NUP210L: variants seen among roughly 807,000 people sequenced by gnomAD.
NUP210L encodes nucleoporin 210 like.
A neutral mutation model predicts 208.5 loss-of-function variants in NUP210L; 74 were observed. That is an observed-to-expected ratio of 0.35 (90% CI 0.29 to 0.43). The LOEUF is 0.43. Ranked by LOEUF, NUP210L falls within the 20% of genes least tolerant of loss-of-function variation. The pLI is 1.00. For missense variants in NUP210L, 1,843 were observed against 2,289.4 expected, an observed-to-expected ratio of 0.81 and a Z score of 3.98; for synonymous variants, 780 against 816.9, an observed-to-expected ratio of 0.95 and a Z score of 0.77.
intron 2 of NUP210L, among the ~76,000 whole-genome samples, chr1:154,148,465 A>G (rs528958635): frequency 6.6e-6 from 1 of 152,312 alleles, no homozygotes; most frequent in East Asian, 1.9e-4. Context: ...CCTTGGTGAC[A>G]GAGACAGACT....
chr1:154,022,262 C>T lies in NUP210L; in HGVS notation c.4380G>A (p.Val1460=), dbSNP rs536076475. The T allele has an allele frequency of 2.5e-6, 4 of 1,614,144 alleles. No homozygotes were observed. In the East Asian group the frequency reaches 6.7e-5, roughly 27 times the overall value. The change falls in exon 32 of 40, where the codon GTG becomes GTA. Residue 1460 remains valine (V), a synonymous_variant. Transcript: ENST00000368559. ...CTGGATGTCTCCGGTCCCAAAGCCC[C>T]ACAAGTGTCAGCCCTCTGTTCACAG...
In NUP210L at chr1:154,030,067, G is replaced by C; in HGVS notation, c.3697-13C>G. 6.6e-7 allele frequency: 1 copy of C among 1,521,798 alleles called. No individual in the cohort carries two copies. The highest frequency in any genetic ancestry group is 8.8e-7 in the Non-Finnish European group (1 of 1,139,720). 94.3% of individuals were successfully genotyped at this position (1,521,798 alleles called of 1,614,324 possible). A position where few individuals can be genotyped will look rare whatever the true frequency, so the allele number is the denominator to read the frequency against. On this transcript the variant is annotated splice_polypyrimidine_tract_variant and intron_variant, in intron 27 of 39. Transcript: ENST00000368559. ...GCTGTAGAAAAACCTAGACAGTGAAGGGATAGATTAAGAAATATTCATCAA... is the reference window on the plus strand; with the variant it reads ...GCTGTAGAAAAACCTAGACAGTGAACGGATAGATTAAGAAATATTCATCAA...
At chr1:154,099,354 C>T (rs1656341267) in intron 14 of NUP210L, among the ~76,000 whole-genome samples, 1 of 152,146 alleles carries the variant, frequency 6.6e-6, no homozygotes, top group Non-Finnish European at 1.5e-5. Flanking sequence ...CCTGGGGCTC[C>T]CACTTGGCGT....
chr1:154,055,127 C>CTTTCT (rs1316695276), intron 23 of NUP210L, among the ~76,000 whole-genome samples: 3 of 17,984 alleles, frequency 1.7e-4, no homozygotes, highest in African/African-American at 2.4e-4. Flanking sequence ...TCTTTCTTTT[C>CTTTCT]TTTCTTTCTT....
intron 10 of NUP210L, among the ~76,000 whole-genome samples, chr1:154,121,766 C>G (rs1310674241): frequency 6.6e-6 from 1 of 151,732 alleles, no homozygotes; most frequent in Non-Finnish European, 1.5e-5. Flanking sequence ...ACTCGGGAGG[C>G]TGAGGCAGGA....
At chr1:154,011,686 T>TA (rs1265632390) in intron 34 of NUP210L, among the ~76,000 whole-genome samples, 9 of 131,966 alleles carry the variant, frequency 6.8e-5, no homozygotes, top group Non-Finnish European at 1.6e-5. Flanking sequence ...TAAGTTTTTT[T>TA]TTTTTTTTTT....
intron 27 of NUP210L, among the ~76,000 whole-genome samples, chr1:154,041,436 T>C (rs987474951): frequency 1.3e-5 from 2 of 152,166 alleles, no homozygotes; most frequent in East Asian, 3.8e-4. Context: ...GTTCAAGTGA[T>C]TCTCATGCCT....
At chr1:154,122,973 C>A (rs1196596002) in intron 10 of NUP210L, among the ~76,000 whole-genome samples, 1 of 151,128 alleles carries the variant, frequency 6.6e-6, no homozygotes, top group Non-Finnish European at 1.5e-5. Context: ...ATCACTTGGG[C>A]CCAGGAGGTC....
At chr1:154,106,610 C>T (rs1360472470) in intron 12 of NUP210L, among the ~76,000 whole-genome samples, 1 of 152,196 alleles carries the variant, frequency 6.6e-6, no homozygotes, top group African/African-American at 2.4e-5. Context: ...TGGTGGTGGC[C>T]ACAGAGGGGC....
rs911503850 is a variant in NUP210L at position 154,066,763 on chromosome 1, A to C, written c.2554+3510T>G. On this transcript the variant is annotated intron_variant, in intron 17 of 39. Coordinates refer to ENST00000368559, the Ensembl canonical transcript of NUP210L. ...AATAAAAAATGATAAAGGGGATATC[A>C]CCACCAATCCCACAGAAATACAAAC... 2.0e-5 allele frequency among the ~76,000 whole-genome samples: 3 copies of C among 152,340 alleles called. No homozygotes were observed. In the East Asian group the frequency reaches 5.8e-4, roughly 29 times the overall value.
At chr1:154,041,512 G>A (rs1408583475) in intron 27 of NUP210L, among the ~76,000 whole-genome samples, 3 of 151,526 alleles carry the variant, frequency 2.0e-5, no homozygotes, top group Non-Finnish European at 4.4e-5. Context: ...TTTATTTGTA[G>A]TAGAGACGGC....
chr1:154,064,881 C>G (rs1003872142), intron 17 of NUP210L, among the ~76,000 whole-genome samples: 6 of 151,792 alleles, frequency 4.0e-5, no homozygotes, highest in Non-Finnish European at 7.4e-5. Context: ...TCGAGACCAG[C>G]CTGGCCAACA....
intron 14 of NUP210L, among the ~76,000 whole-genome samples, chr1:154,096,990 A>G (rs552199530): frequency 3.9e-5 from 6 of 152,300 alleles, no homozygotes; most frequent in Non-Finnish European, 5.9e-5. Flanking sequence ...CTGAGGCACA[A>G]GAATCGCTTG....
At chr1:154,080,666 C>T (rs1655273799) in intron 16 of NUP210L, among the ~76,000 whole-genome samples, 1 of 151,376 alleles carries the variant, frequency 6.6e-6, no homozygotes, top group Admixed American at 6.6e-5. Flanking sequence ...GCCTAAGCGA[C>T]AGAGCGAGAC....
At chr1:154,071,980 G>T (rs1654761797) in intron 16 of NUP210L, among the ~76,000 whole-genome samples, 1 of 147,658 alleles carries the variant, frequency 6.8e-6, no homozygotes, top group African/African-American at 2.6e-5. Flanking sequence ...CATCGCGTGT[G>T]TGTGTGTGTG....
At chr1:154,110,738 C>T (rs1419210494) in intron 12 of NUP210L, among the ~76,000 whole-genome samples, 3 of 151,110 alleles carry the variant, frequency 2.0e-5, no homozygotes, top group Non-Finnish European at 4.4e-5. Context: ...AATCAGCTGG[C>T]GTGGTGGTGT....
At chr1:154,099,045 G>A (rs966723544) in intron 14 of NUP210L, among the ~76,000 whole-genome samples, 15 of 152,170 alleles carry the variant, frequency 9.9e-5, no homozygotes, top group Admixed American at 4.6e-4. Context: ...TTGTGACAGC[G>A]CCCAGGATTG....
chr1:154,065,173 A>C (rs1654341549), intron 17 of NUP210L, among the ~76,000 whole-genome samples: 1 of 152,022 alleles, frequency 6.6e-6, no homozygotes, highest in Non-Finnish European at 1.5e-5. Flanking sequence ...TAATCCCAGC[A>C]CTTTGAGAGG....
chr1:154,102,105 T>G (rs1434057112), intron 13 of NUP210L, among the ~76,000 whole-genome samples: 1 of 151,948 alleles, frequency 6.6e-6, no homozygotes, highest in Admixed American at 6.6e-5. Context: ...GAGCCGAGAT[T>G]GCACCACTGC....
Sources: gnomAD v4.1 joint callset for allele counts (sites outside exome capture counted in the v4.1 genomes callset) on GRCh38, gnomAD v4.1.1 for gene constraint, MANE v1.5 for transcripts, NCBI Gene and HGNC (gene_info 2026-07-23, HGNC 2026-07-21) for gene names.